GLMN: variants seen among roughly 807,000 people sequenced by gnomAD.
GLMN encodes the protein glomulin.
A neutral mutation model predicts 87.8 loss-of-function variants in GLMN; 75 were observed. That is an observed-to-expected ratio of 0.85 (90% CI 0.71 to 1.04). GLMN has a LOEUF of 1.04. Among genes scored for constraint, GLMN ranks in the 50% least tolerant of loss-of-function variants. The pLI is 0.00. For synonymous variants in GLMN, 206 were observed against 221.6 expected (o/e 0.93, Z 0.63); for missense variants, 588 against 658.8 (o/e 0.89, Z 1.18).
At chr1:92,263,575 C>T in intron 15 of GLMN, 48 bp downstream of exon 15, 1 of 859,756 alleles carries the variant, frequency 1.2e-6, no homozygotes, top group South Asian at 1.3e-5. Context: ...AGATGTTTCA[C>T]ATTTTATTCT....
the GLMN span, among the ~76,000 whole-genome samples, chr1:92,318,953 C>T: frequency 5.3e-5 from 8 of 151,634 alleles, no homozygotes; most frequent in Admixed American, 2.6e-4. Context: ...TAAAGGCTTA[C>T]GATGAAATGA....
chr1:92,343,703 C>T, the GLMN span, among the ~76,000 whole-genome samples: 3 of 151,872 alleles, frequency 2.0e-5, no homozygotes, highest in Non-Finnish European at 2.9e-5. Flanking sequence ...TACACAAAGA[C>T]TCTTGCCCTC....
chr1:92,344,320 G>A, the GLMN span, among the ~76,000 whole-genome samples: 1 of 152,106 alleles, frequency 6.6e-6, no homozygotes, highest in African/African-American at 2.4e-5. Context: ...CAGAAGAATT[G>A]CTTGAACTCG....
the GLMN span, among the ~76,000 whole-genome samples, chr1:92,366,754 G>T: frequency 6.6e-6 from 1 of 152,116 alleles, no homozygotes. Context: ...GTATATACCA[G>T]ACTTTTTTTT....
At position 92,263,485 on chromosome 1, in the gene GLMN, A is replaced by G. The variant is rs1054885210; in HGVS notation, c.1409+138T>C. On this transcript the variant is annotated intron_variant, in intron 15 of 18. Transcript: ENST00000370360. The stretch of plus-strand genomic sequence containing the variant: ...TTATCAAATCACTTAAATATGAAAA[A>G]TCTTTATGTAACTTAATGAATTAGC... 5 of 687,074 alleles carry G rather than the reference A, an allele frequency of 7.3e-6. No homozygotes were observed. The Admixed American group carries it at 9.1e-5, about 12-fold the overall frequency. The allele number at this position is 687,074 out of a possible 1,614,324, so 42.6% of individuals were successfully genotyped here.
Position 92,264,554 on chromosome 1 carries a change from CTTT to C in GLMN, c.1296_1298del (p.Lys433del), listed in dbSNP as rs768009016. 5.5e-6 allele frequency: 8 copies of C among 1,456,440 alleles called. No homozygotes were observed. The highest frequency in any genetic ancestry group is 7.7e-6 in the Non-Finnish European group (8 of 1,036,594). 90.2% of individuals were successfully genotyped at this position (1,456,440 alleles called of 1,614,324 possible). ...ATTGACACTTTGGCTATGTTCTTACCTTTAATGACATGTCAATTTGATTTTTGA... is the reference window on the plus strand; with the variant it reads ...ATTGACACTTTGGCTATGTTCTTACCAATGACATGTCAATTTGATTTTTGA... On this transcript the variant is annotated inframe_deletion and splice_region_variant, in exon 14 of 19. Transcript: ENST00000370360.
chr1:92,306,317 A>C, the GLMN span, among the ~76,000 whole-genome samples: 23 of 152,356 alleles, frequency 1.5e-4, no homozygotes, highest in African/African-American at 4.8e-4. Context: ...GAAGGTACTT[A>C]ATACCACTGT....
the GLMN span, among the ~76,000 whole-genome samples, chr1:92,335,256 A>C: frequency 4.1e-4 from 62 of 152,188 alleles, no homozygotes; most frequent in Non-Finnish European, 7.2e-4. Context: ...TGCTGAAGGG[A>C]ATGAAAAATG....
At chr1:92,284,556 C>T (rs1648501098) in intron 7 of GLMN, among the ~76,000 whole-genome samples, 1 of 152,134 alleles carries the variant, frequency 6.6e-6, no homozygotes, top group East Asian at 1.9e-4. Flanking sequence ...AGGACATAGG[C>T]ATGGGCAAGG....
intron 9 of GLMN, among the ~76,000 whole-genome samples, chr1:92,269,066 GCGC>G (rs1174428162): frequency 6.6e-6 from 1 of 151,920 alleles, no homozygotes; most frequent in Non-Finnish European, 1.5e-5. Flanking sequence ...CAACGGGCAG[GCGC>G]CACCACTCCT....
intron 14 of GLMN, among the ~76,000 whole-genome samples, chr1:92,264,243 G>A (rs1446573980): frequency 1.3e-5 from 2 of 152,090 alleles, no homozygotes; most frequent in African/African-American, 4.8e-5. Flanking sequence ...AGCCCAGGAG[G>A]TGGAGGCTGC....
chr1:92,309,541 ATACAC>A, the GLMN span, among the ~76,000 whole-genome samples: 3 of 4,138 alleles, frequency 7.2e-4, no homozygotes, highest in Admixed American at 8.7e-3. Flanking sequence ...GGCTACACAC[ATACAC>A]ATACACATAC....
At chr1:92,331,568 A>T in the GLMN span, among the ~76,000 whole-genome samples, 1 of 152,136 alleles carries the variant, frequency 6.6e-6, no homozygotes, top group African/African-American at 2.4e-5. Context: ...GTAAGTTAAT[A>T]CTTTTATTGC....
chr1:92,370,621 A>G, the GLMN span, among the ~76,000 whole-genome samples: 2 of 152,086 alleles, frequency 1.3e-5, no homozygotes, highest in South Asian at 4.2e-4. Flanking sequence ...AAAATCATGT[A>G]GGTAGTTTAT....
At chr1:92,323,743 GGCGATT>G in the GLMN span, 1 of 1,614,126 alleles carries the variant, frequency 6.2e-7, no homozygotes, top group Non-Finnish European at 8.5e-7. Context: ...TGAGCAGTTA[GGCGATT>G]GCAAATTAGA....
upstream of GLMN, chr1:92,301,594 T>C (rs764090285): frequency 2.5e-5 from 30 of 1,204,498 alleles, no homozygotes; most frequent in South Asian, 4.5e-4. Context: ...GGAGTGTGTA[T>C]GTGTTAAGTT....
At chr1:92,318,558 A>G in the GLMN span, among the ~76,000 whole-genome samples, 2 of 152,184 alleles carry the variant, frequency 1.3e-5, no homozygotes, top group Non-Finnish European at 2.9e-5. Context: ...CACCAACCAT[A>G]GTAGATAGTT....
At chr1:92,297,176 T>G (rs1450119527) in intron 3 of GLMN, among the ~76,000 whole-genome samples, 10 of 149,928 alleles carry the variant, frequency 6.7e-5, no homozygotes, top group Non-Finnish European at 1.3e-4. Context: ...GGTCTCAAAC[T>G]CCTGGGCTCA....
Position 92,259,778 on chromosome 1 carries a change from AGT to A in GLMN, c.1473+3083_1473+3084del, listed in dbSNP as rs1265574856. Among the ~76,000 whole-genome samples, 543 of 118,612 alleles carry A rather than the reference AGT, an allele frequency of 4.6e-3. 8 individuals carry two copies. Among genetic ancestry groups the A allele is most frequent in the Non-Finnish European group, 4.7e-3 (292 of 62,134 alleles). 77.8% of individuals were successfully genotyped at this position (118,612 alleles called of 152,430 possible). A position where few individuals can be genotyped will look rare whatever the true frequency, so the allele number is the denominator to read the frequency against. On this transcript the variant is annotated intron_variant, in intron 16 of 18. Transcript: ENST00000370360. ...GAGACAGACTCTTGCTCTGTCACCC[AGT>A]GGGGAGTGCAGTGGCATGATCTCGG...
Sources: gnomAD v4.1 joint callset for allele counts (sites outside exome capture counted in the v4.1 genomes callset) on GRCh38, gnomAD v4.1.1 for gene constraint, MANE v1.5 for transcripts, NCBI Gene and HGNC (gene_info 2026-07-23, HGNC 2026-07-21) for gene names.